Variants in SLC8A1 observed in about 807,000 individuals in gnomAD.
SLC8A1 encodes sodium/calcium exchanger 1.
In SLC8A1, 18 loss-of-function variants were observed where a neutral mutation model predicts 68.3. That is an observed-to-expected ratio of 0.26 (90% CI 0.18 to 0.39). The LOEUF is 0.39. Ranked by LOEUF, SLC8A1 falls within the 10% of genes least tolerant of loss-of-function variation. The pLI, the probability that SLC8A1 is intolerant of heterozygous loss-of-function variation, is 1.00. For missense variants in SLC8A1, 985 were observed against 1,156.7 expected (o/e 0.85, Z 2.15); for synonymous variants, 475 against 415.5 (o/e 1.14, Z -1.74).
intron 6 of SLC8A1, among the ~76,000 whole-genome samples, chr2:40,143,813 A>G (rs2042002373): frequency 1.3e-5 from 2 of 152,090 alleles, no homozygotes; most frequent in Admixed American, 1.3e-4. Context: ...GTGTCTCTCT[A>G]CCTGCTCAGG....
At chr2:40,384,147 T>C (rs1407676985) in intron 2 of SLC8A1, among the ~76,000 whole-genome samples, 2 of 151,830 alleles carry the variant, frequency 1.3e-5, no homozygotes, top group Non-Finnish European at 2.9e-5. Flanking sequence ...TCCCAGCTAC[T>C]CAGGAGGCTG....
intron 4 of SLC8A1, among the ~76,000 whole-genome samples, chr2:40,174,191 T>C (rs1312369544): frequency 6.6e-6 from 1 of 152,044 alleles, no homozygotes; most frequent in East Asian, 1.9e-4. Flanking sequence ...CTGCTCAACA[T>C]GATATTATAT....
chr2:40,164,631 C>G (rs2046245531), intron 5 of SLC8A1, among the ~76,000 whole-genome samples: 1 of 152,176 alleles, frequency 6.6e-6, no homozygotes, highest in Admixed American at 6.5e-5. Context: ...ATAGATGTCT[C>G]CTGCTGGGCC....
At position 40,300,404 on chromosome 2, in the gene SLC8A1, T is replaced by TGG. The variant is rs72530105; in HGVS notation, c.1809-122550_1809-122549insCC. On this transcript the variant is annotated intron_variant, in intron 2 of 7. Coordinates refer to ENST00000406785, the Ensembl canonical transcript of SLC8A1. ...GTGGAGCCAGGATGTGCTTCACTGC[T>TGG]TTAGAAGTTCGAGTGTTTAAAATCC... Among the ~76,000 whole-genome samples, 8 of 147,146 alleles carry TGG rather than the reference T, an allele frequency of 5.4e-5. No individual in the cohort carries two copies. The East Asian group carries it at 1.7e-3, about 31-fold the overall frequency.
chr2:40,492,375 T>C (rs1705375656), intron 1 of SLC8A1, among the ~76,000 whole-genome samples: 3 of 152,046 alleles, frequency 2.0e-5, no homozygotes, highest in African/African-American at 4.8e-5. Context: ...ATGTTAGACC[T>C]AAAACCATAA....
chr2:40,432,064 G>A (rs1576445993), intron 1 of SLC8A1, among the ~76,000 whole-genome samples: 1 of 152,098 alleles, frequency 6.6e-6, no homozygotes, highest in Admixed American at 6.5e-5. Flanking sequence ...TGGTCAGTAT[G>A]TCTGCTTGTT....
chr2:40,333,787 C>A (rs973608283), intron 2 of SLC8A1, among the ~76,000 whole-genome samples: 2 of 152,122 alleles, frequency 1.3e-5, no homozygotes, highest in African/African-American at 4.8e-5. Flanking sequence ...CAGTAGCTCA[C>A]GCCAGTAATC....
At chr2:40,184,027 A>C (rs2050150545) in intron 2 of SLC8A1, among the ~76,000 whole-genome samples, 1 of 151,902 alleles carries the variant, frequency 6.6e-6, no homozygotes. Flanking sequence ...TGCAAAAAAA[A>C]CCAGATGGGT....
chr2:40,480,273 T>C (rs1704547254), intron 1 of SLC8A1, among the ~76,000 whole-genome samples: 1 of 152,144 alleles, frequency 6.6e-6, no homozygotes, highest in Non-Finnish European at 1.5e-5. Context: ...ATTTGTTCCC[T>C]CTAAAATTCA....
At chr2:40,318,883 T>C (rs967010920) in intron 2 of SLC8A1, among the ~76,000 whole-genome samples, 27 of 152,214 alleles carry the variant, frequency 1.8e-4, no homozygotes, top group African/African-American at 6.3e-4. Flanking sequence ...CCCTCAACTT[T>C]TCAATACAAT....
rs111498163 is a variant in SLC8A1, at chr2:40,330,784, C to T, written c.1808+97689G>A. ...ACAGACTGCTAAATAATTGACTGAT[C>T]ATGATTAATCAAGTAAATTGAGGCA... On this transcript the variant is annotated intron_variant, in intron 2 of 7. Coordinates refer to ENST00000406785, the Ensembl canonical transcript of SLC8A1. 6.7e-3 allele frequency among the ~76,000 whole-genome samples: 1,020 copies of T among 152,228 alleles called. 7 individuals are homozygous for T. The highest frequency in any genetic ancestry group is 0.012 in the Non-Finnish European group (815 of 68,016).
rs564116149 is a variant in SLC8A1 at position 40,233,915 on chromosome 2, G to A, written c.1809-56060C>T. On this transcript the variant is annotated intron_variant, in intron 2 of 7. Coordinates refer to ENST00000406785, the Ensembl canonical transcript of SLC8A1. The stretch of plus-strand genomic sequence containing the variant: ...AAAGATCAGATAGTTGTAGATATGC[G>A]GCATTATTTCTGAGGGCTCTGTTCT... 6.1e-3 allele frequency among the ~76,000 whole-genome samples: 923 copies of A among 151,490 alleles called. 11 individuals carry two copies. Among genetic ancestry groups the A allele is most frequent in the African/African-American group, 0.021 (849 of 41,208 alleles).
chr2:40,386,320 A>C (rs4452200), intron 2 of SLC8A1, among the ~76,000 whole-genome samples: 109,628 of 149,948 alleles, frequency 0.73, 41,429 homozygotes, highest in African/African-American at 0.92. Context: ...TCAAATGGTA[A>C]ATGTGTGTGT....
At chr2:40,371,147 C>T (rs1677905694) in intron 2 of SLC8A1, among the ~76,000 whole-genome samples, 1 of 152,032 alleles carries the variant, frequency 6.6e-6, no homozygotes, top group South Asian at 2.1e-4. Flanking sequence ...TGGTCCCTGG[C>T]CCAGCCCCTG....
At chr2:40,101,534 TGA>T (rs1031045447) in exon 8 of SLC8A1, 2 of 151,610 alleles carry the variant, frequency 1.3e-5, no homozygotes, top group African/African-American at 4.8e-5. Context: ...TAGAAATCTC[TGA>T]CTGGAGAGGC....
At chr2:40,297,519 A>G (rs2070631791) in intron 2 of SLC8A1, among the ~76,000 whole-genome samples, 1 of 152,204 alleles carries the variant, frequency 6.6e-6, no homozygotes, top group Non-Finnish European at 1.5e-5. Context: ...AAAAAATTTA[A>G]AATGCATTTT....
intron 2 of SLC8A1, among the ~76,000 whole-genome samples, chr2:40,327,118 C>T (rs947159317): frequency 2.0e-5 from 3 of 152,070 alleles, no homozygotes; most frequent in African/African-American, 7.2e-5. Context: ...TAATTTATTC[C>T]CTTTCAATCT....
intron 1 of SLC8A1, among the ~76,000 whole-genome samples, chr2:40,431,771 C>T (rs1403267637): frequency 6.6e-6 from 1 of 152,022 alleles, no homozygotes; most frequent in East Asian, 1.9e-4. Flanking sequence ...GAGAGCCACC[C>T]CACATTCGCC....
chr2:40,423,838 A>G (rs1268106641), intron 2 of SLC8A1, among the ~76,000 whole-genome samples: 1 of 151,986 alleles, frequency 6.6e-6, no homozygotes, highest in African/African-American at 2.4e-5. Flanking sequence ...GCATTCAGAA[A>G]ACATGCATTT....
Sources: allele counts gnomAD v4.1 joint callset (sites outside exome capture counted in the v4.1 genomes callset), GRCh38; gene constraint gnomAD v4.1.1; transcripts MANE v1.5; gene names NCBI Gene and HGNC (gene_info 2026-07-23, HGNC 2026-07-21).